LRP1B: variants seen among roughly 807,000 people sequenced by gnomAD.
LRP1B encodes low-density lipoprotein receptor-related protein 1B.
LRP1B carries 217 observed loss-of-function variants against 556.6 expected under a neutral mutation model. The ratio of observed to expected loss-of-function variants is 0.39; its 90% CI spans 0.35 to 0.44. The LOEUF (loss-of-function observed/expected upper bound fraction) is 0.44, where lower values mean the gene tolerates loss of function less well. Among genes scored for constraint, LRP1B ranks in the 20% least tolerant of loss-of-function variants. The pLI is 1.00. For missense variants in LRP1B, 5,053 were observed against 5,620.8 expected (o/e 0.90, Z 3.23); for synonymous variants, 2,047 against 1,865.8 (o/e 1.10, Z -2.50).
At chr2:141,319,516 C>T (rs1325016419) in intron 3 of LRP1B, among the ~76,000 whole-genome samples, 2 of 151,864 alleles carry the variant, frequency 1.3e-5, no homozygotes, top group Non-Finnish European at 2.9e-5. Flanking sequence ...AAAATGCATG[C>T]TGCACAGCTA....
At chr2:141,819,102 G>T (rs191536040) in intron 1 of LRP1B, among the ~76,000 whole-genome samples, 67 of 24,956 alleles carry the variant, frequency 2.7e-3, no homozygotes, top group African/African-American at 0.012. Flanking sequence ...AACCAGGAGT[G>T]GTGGTGCACA....
chr2:140,888,489 TTA>T (rs1185674958), intron 23 of LRP1B, among the ~76,000 whole-genome samples: 1 of 150,950 alleles, frequency 6.6e-6, no homozygotes, highest in African/African-American at 2.4e-5. Context: ...AGACTTGATT[TTA>T]TATATATATA....
intron 1 of LRP1B, among the ~76,000 whole-genome samples, chr2:141,876,209 G>C (rs1698753561): frequency 1.3e-5 from 2 of 151,956 alleles, no homozygotes; most frequent in Non-Finnish European, 2.9e-5. Flanking sequence ...TAGCTAGAAA[G>C]TTTGAGCTCC....
rs16845023 is a variant in LRP1B at position 140,959,494 on chromosome 2, G to T, written c.2888-7554C>A. Among the ~76,000 whole-genome samples, 8 of 151,246 alleles carry T rather than the reference G, an allele frequency of 5.3e-5. No homozygotes were observed. In the East Asian group the frequency reaches 9.7e-4, roughly 18 times the overall value. ...AATAATTACTACTAAAATGAATGTA[G>T]GTTTAATGTAGTCCTAAAGTTAATA... On this transcript the variant is annotated intron_variant, in intron 18 of 90. Transcript: ENST00000389484.
intron 43 of LRP1B, among the ~76,000 whole-genome samples, chr2:140,555,232 A>C (rs982718170): frequency 6.6e-6 from 1 of 151,756 alleles, no homozygotes; most frequent in African/African-American, 2.4e-5. Flanking sequence ...AGGAAAAAAA[A>C]AAAACAAATA....
At chr2:141,636,554 T>C (rs1279279846) in intron 2 of LRP1B, among the ~76,000 whole-genome samples, 2 of 152,298 alleles carry the variant, frequency 1.3e-5, no homozygotes, top group African/African-American at 2.4e-5. Flanking sequence ...TTATGTAATT[T>C]TTTTGGCACA....
intron 62 of LRP1B, among the ~76,000 whole-genome samples, chr2:140,452,433 T>C (rs1444872044): frequency 1.3e-5 from 2 of 152,112 alleles, no homozygotes; most frequent in African/African-American, 2.4e-5. Flanking sequence ...TTTCTCCTGG[T>C]ATATCAAATT....
At chr2:140,304,031 T>G (rs1683957169) in intron 83 of LRP1B, among the ~76,000 whole-genome samples, 1 of 152,222 alleles carries the variant, frequency 6.6e-6, no homozygotes, top group Non-Finnish European at 1.5e-5. Flanking sequence ...AGTGTATATG[T>G]GCCACATTTT....
intron 3 of LRP1B, among the ~76,000 whole-genome samples, chr2:141,411,953 T>C (rs1690868440): frequency 6.6e-6 from 1 of 152,048 alleles, no homozygotes. Context: ...GAACAAAGTC[T>C]TGACTATGTT....
rs995734705 is a variant in LRP1B, at chr2:141,769,326, C to T, written c.205+40953G>A. Among the ~76,000 whole-genome samples the T allele has an allele frequency of 2.6e-5, 4 of 152,322 alleles. No individual in the cohort carries two copies. The East Asian group carries it at 7.7e-4, about 29-fold the overall frequency. ...TCTGTAATGCTAATCACAATTCCCACCATTAATGCCACTGTAATCCCTTGC... is the reference window on the plus strand; with the variant it reads ...TCTGTAATGCTAATCACAATTCCCATCATTAATGCCACTGTAATCCCTTGC... On this transcript the variant is annotated intron_variant, in intron 2 of 90. Coordinates refer to ENST00000389484, the MANE Select transcript of LRP1B (RefSeq NM_018557.3).
intron 83 of LRP1B, among the ~76,000 whole-genome samples, chr2:140,309,736 G>A (rs2105025496): frequency 6.6e-6 from 1 of 151,502 alleles, no homozygotes; most frequent in South Asian, 2.1e-4. Context: ...GTTAATAGTG[G>A]CATATCTGGA....
chr2:141,497,680 A>G (rs934086677), intron 2 of LRP1B, among the ~76,000 whole-genome samples: 6 of 152,044 alleles, frequency 3.9e-5, no homozygotes, highest in Non-Finnish European at 5.9e-5. Context: ...AAAAATGCTT[A>G]AAGAGTTGAA....
chr2:140,617,063 A>G (rs1431075445), intron 41 of LRP1B, among the ~76,000 whole-genome samples: 2 of 151,980 alleles, frequency 1.3e-5, no homozygotes, highest in Non-Finnish European at 2.9e-5. Context: ...CGGGTGTCAC[A>G]AAACTTACAT....
At chr2:140,524,831 C>T (rs1031282634) in intron 49 of LRP1B, among the ~76,000 whole-genome samples, 1 of 151,698 alleles carries the variant, frequency 6.6e-6, no homozygotes, top group Non-Finnish European at 1.5e-5. Context: ...GACTGAAAAA[C>T]TATTAGGTAC....
intron 1 of LRP1B, among the ~76,000 whole-genome samples, chr2:141,887,937 T>G (rs1337442790): frequency 6.6e-6 from 1 of 152,206 alleles, no homozygotes; most frequent in African/African-American, 2.4e-5. Context: ...AGCAAAGAAC[T>G]CTGGTAAAAT....
chr2:141,364,219 G>T (rs1264400413), intron 3 of LRP1B, among the ~76,000 whole-genome samples: 1 of 151,736 alleles, frequency 6.6e-6, no homozygotes, highest in African/African-American at 2.4e-5. Context: ...AAAGAACTGG[G>T]CAAGGCATAG....
At chr2:141,810,221 T>C (rs1574386251) in intron 2 of LRP1B, 58 bp downstream of exon 2, 3 of 1,563,632 alleles carry the variant, frequency 1.9e-6, no homozygotes, top group Non-Finnish European at 2.6e-6. Context: ...TGAAAACAAC[T>C]GACATTTAGT....
chr2:140,811,148 A>T (rs963614877), intron 32 of LRP1B, among the ~76,000 whole-genome samples: 10 of 152,332 alleles, frequency 6.6e-5, no homozygotes, highest in African/African-American at 2.4e-4. Context: ...TTACTTGTTA[A>T]GAGAATTTTA....
At chr2:141,174,933 AG>A (rs1304431879) in intron 7 of LRP1B, among the ~76,000 whole-genome samples, 1 of 152,124 alleles carries the variant, frequency 6.6e-6, no homozygotes, top group Non-Finnish European at 1.5e-5. Context: ...GATTGAGATT[AG>A]GAACTTACTG....
Sources: gnomAD v4.1 joint callset for allele counts (sites outside exome capture counted in the v4.1 genomes callset) on GRCh38, gnomAD v4.1.1 for gene constraint, MANE v1.5 for transcripts, NCBI Gene and HGNC (gene_info 2026-07-23, HGNC 2026-07-21) for gene names.